TPST2: variants seen among roughly 807,000 people sequenced by gnomAD.
TPST2 encodes protein-tyrosine sulfotransferase 2.
TPST2 carries 16 observed loss-of-function variants against 27.8 expected under a neutral mutation model. The ratio of observed to expected loss-of-function variants is 0.58; its 90% CI spans 0.39 to 0.88. The LOEUF is 0.88. TPST2 is among the 40% of genes least tolerant of loss of function. The pLI, the probability that TPST2 is intolerant of heterozygous loss-of-function variation, is 0.00. For missense variants in TPST2, 464 were observed against 543.1 expected (o/e 0.85, Z 1.45); for synonymous variants, 229 against 231.7 (o/e 0.99, Z 0.10).
intron 1 of TPST2, among the ~76,000 whole-genome samples, chr22:26,587,784 T>C (rs907393823): frequency 6.6e-6 from 1 of 151,932 alleles, no homozygotes; most frequent in Non-Finnish European, 1.5e-5. Flanking sequence ...TCTGGAAAAA[T>C]AGTCTGGCAG....
rs12158583 is a variant in TPST2, at chr22:26,527,353, C to T, written c.*7+861G>A. 8.2e-3 allele frequency among the ~76,000 whole-genome samples: 1,243 copies of T among 152,166 alleles called. 18 individuals carry two copies. The highest frequency in any genetic ancestry group is 0.027 in the African/African-American group (1,139 of 41,478). On this transcript the variant is annotated intron_variant, in intron 6 of 6. Coordinates refer to ENST00000338754, the MANE Select transcript of TPST2 (RefSeq NM_003595.5). ...CAGCCTTAACTCCAGTGCCCAAGTCCACAGCGAGGGCCCAGCACTTCACGG... is the reference window on the plus strand; with the variant it reads ...CAGCCTTAACTCCAGTGCCCAAGTCTACAGCGAGGGCCCAGCACTTCACGG...
intron 1 of TPST2, among the ~76,000 whole-genome samples, chr22:26,571,074 T>G (rs931437636): frequency 1.5e-4 from 23 of 152,268 alleles, no homozygotes; most frequent in African/African-American, 5.1e-4. Flanking sequence ...CCTCCTCTGC[T>G]CCGCATCCTC....
chr22:26,538,499 G>A (rs1001063434), intron 3 of TPST2, among the ~76,000 whole-genome samples: 2 of 152,204 alleles, frequency 1.3e-5, no homozygotes, highest in African/African-American at 2.4e-5. Context: ...ATGGCAATCC[G>A]TGTAGCAGCC....
At position 26,545,980 on chromosome 22, in the gene TPST2, G is replaced by A. The variant is rs973716208; in HGVS notation, c.-160-1305C>T. Among the ~76,000 whole-genome samples, 5 of 151,378 alleles carry A rather than the reference G, an allele frequency of 3.3e-5. No individual in the cohort carries two copies. The South Asian group carries it at 1.0e-3, about 32-fold the overall frequency. ...TAGTCCCGGCTACTTGGGAGGCTTA[G>A]ATGGGAGGATTGCTGAAGCCCAGGA... On this transcript the variant is annotated intron_variant, in intron 1 of 6. Coordinates refer to ENST00000338754, the MANE Select transcript of TPST2 (RefSeq NM_003595.5).
chr22:26,579,878 A>G (rs1928023903), intron 1 of TPST2, among the ~76,000 whole-genome samples: 1 of 132,836 alleles, frequency 7.5e-6, no homozygotes, highest in Non-Finnish European at 1.6e-5. Context: ...AGACAGAAAG[A>G]GTGACAGAGA....
intron 1 of TPST2, among the ~76,000 whole-genome samples, chr22:26,585,191 G>C (rs1287655918): frequency 6.6e-6 from 1 of 152,160 alleles, no homozygotes; most frequent in African/African-American, 2.4e-5. Context: ...CCTGCTTTCT[G>C]GGCTGCCTGC....
chr22:26,530,176 C>T (rs531386135), intron 5 of TPST2, among the ~76,000 whole-genome samples: 10 of 152,256 alleles, frequency 6.6e-5, no homozygotes, highest in East Asian at 1.9e-4. Context: ...GGGGCTCCAG[C>T]GATCCTCCCA....
chr22:26,550,169 C>G (rs1368448684), intron 1 of TPST2, among the ~76,000 whole-genome samples: 1 of 152,132 alleles, frequency 6.6e-6, no homozygotes, highest in Non-Finnish European at 1.5e-5. Flanking sequence ...CCCTTAGACT[C>G]AGATTCATTC....
chr22:26,551,282 C>A (rs778385446), intron 1 of TPST2, among the ~76,000 whole-genome samples: 1 of 151,942 alleles, frequency 6.6e-6, no homozygotes, highest in Non-Finnish European at 1.5e-5. Context: ...AGAGATTCTG[C>A]CTAAAAAACA....
At chr22:26,584,521 C>T (rs1414715164) in intron 1 of TPST2, among the ~76,000 whole-genome samples, 1 of 151,980 alleles carries the variant, frequency 6.6e-6, no homozygotes, top group Non-Finnish European at 1.5e-5. Context: ...AGAGTCTGGG[C>T]TGGGTGTGGT....
At chr22:26,570,227 T>C (rs1251979112) in intron 1 of TPST2, among the ~76,000 whole-genome samples, 1 of 152,056 alleles carries the variant, frequency 6.6e-6, no homozygotes, top group Non-Finnish European at 1.5e-5. Flanking sequence ...CAAGACTCTT[T>C]GCATTCATTC....
At chr22:26,553,676 C>T (rs1242364393) in intron 1 of TPST2, among the ~76,000 whole-genome samples, 2 of 136,814 alleles carry the variant, frequency 1.5e-5, no homozygotes, top group African/African-American at 5.4e-5. Context: ...TATATACAGT[C>T]GCCCCTCGGT....
At chr22:26,530,619 G>C in intron 5 of TPST2, among the ~76,000 whole-genome samples, 1 of 80,786 alleles carries the variant, frequency 1.2e-5, no homozygotes, top group Admixed American at 1.6e-4. Flanking sequence ...GTGACACAGT[G>C]AAACCCCATC....
chr22:26,540,971 C>G lies in TPST2; in HGVS notation c.660G>C (p.Val220=). Reference sequence around the variant, plus strand: ...CTACCTCCATGCACTGGGCGTACATCACCTCGATGGCCTTGTTCCACTTGG... The same window carrying G: ...CTACCTCCATGCACTGGGCGTACATGACCTCGATGGCCTTGTTCCACTTGG... ...CLTKWNKAIE[V]MYAQCMEVGK... is the part of the protein sequence containing the mutation. The change falls in exon 3 of 7, where the codon GTG becomes GTC. Residue 220 remains valine (V), a synonymous_variant. Transcript: ENST00000338754. 6.2e-7 allele frequency: 1 copy of G among 1,614,208 alleles called. No homozygotes were observed. The highest frequency in any genetic ancestry group is 8.5e-7 in the Non-Finnish European group (1 of 1,180,042).
At chr22:26,582,272 C>T (rs1208296584) in intron 1 of TPST2, among the ~76,000 whole-genome samples, 2 of 152,036 alleles carry the variant, frequency 1.3e-5, no homozygotes, top group African/African-American at 2.4e-5. Context: ...ACTAAAAATA[C>T]AAAAATTAGC....
chr22:26,584,220 A>T (rs542087563), intron 1 of TPST2, among the ~76,000 whole-genome samples: 1 of 152,228 alleles, frequency 6.6e-6, no homozygotes, highest in East Asian at 1.9e-4. Context: ...GTCACACAGC[A>T]ATTTGGAGGA....
intron 3 of TPST2, among the ~76,000 whole-genome samples, 184 bp downstream of exon 3, chr22:26,540,605 A>C (rs949766107): frequency 2.6e-5 from 4 of 152,340 alleles, no homozygotes; most frequent in African/African-American, 9.6e-5. Context: ...CGAAGTTTGC[A>C]GATTCTCTCA....
chr22:26,553,086 A>G (rs1926574132), intron 1 of TPST2, among the ~76,000 whole-genome samples: 1 of 143,874 alleles, frequency 7.0e-6, no homozygotes, highest in Non-Finnish European at 1.5e-5. Flanking sequence ...AAAAAAAAAA[A>G]GACACTATCA....
chr22:26,540,424 C>T (rs182691489), intron 3 of TPST2, among the ~76,000 whole-genome samples: 1 of 152,116 alleles, frequency 6.6e-6, no homozygotes, highest in Non-Finnish European at 1.5e-5. Flanking sequence ...ACAGGGCAAA[C>T]CCCATCTCTA....
Sources: gnomAD v4.1 joint callset for allele counts (sites outside exome capture counted in the v4.1 genomes callset) on GRCh38, gnomAD v4.1.1 for gene constraint, MANE v1.5 for transcripts, NCBI Gene and HGNC (gene_info 2026-07-23, HGNC 2026-07-21) for gene names.